PUM2: variants seen among roughly 807,000 people sequenced by gnomAD.
PUM2 encodes the protein pumilio RNA binding family member 2.
PUM2 carries 57 observed loss-of-function variants against 124.5 expected under a neutral mutation model. The ratio of observed to expected loss-of-function variants is 0.46; its 90% CI spans 0.37 to 0.57. PUM2 has a LOEUF of 0.57. Among genes scored for constraint, PUM2 ranks in the 20% least tolerant of loss-of-function variants. PUM2 has a pLI of 0.00. For synonymous variants in PUM2, 460 were observed against 446.1 expected, an observed-to-expected ratio of 1.03 and a Z score of -0.39; for missense variants, 1,065 against 1,290.6, an observed-to-expected ratio of 0.83 and a Z score of 2.68.
chr2:20,311,566 C>G lies in PUM2; in HGVS notation c.446G>C (p.Gly149Ala). Reference protein sequence around the residue: ...EEDQNRDLKQGDDDDSKINGR... With the variant: ...EEDQNRDLKQADDDDSKINGR... ...ATTTATTTTAGAATCATCATCATCT[C>G]CTTGTTTAAGATCTCTGTTTTGGTC... Residue 149 changes from glycine to alanine, a missense_variant, in exon 5 of 21, where the codon GGA becomes GCA. Around this residue, in one of 3 missense-constraint regions of PUM2, gnomAD observed 968 missense variants for 1,159.8 expected, o/e 0.83. Transcript: ENST00000361078. 1.2e-6 allele frequency: 2 copies of G among 1,613,376 alleles called. No individual in the cohort carries two copies. Among genetic ancestry groups the G allele is most frequent in the Non-Finnish European group, 1.7e-6 (2 of 1,179,582 alleles).
chr2:20,290,930 T>C (rs1005244470), intron 9 of PUM2, 140 bp from the exon 10 acceptor site: 1 of 667,142 alleles, frequency 1.5e-6, no homozygotes, highest in Non-Finnish European at 2.3e-6. Flanking sequence ...AGATTTAGCA[T>C]GAAAAATCAC....
chr2:20,341,596 A>G (rs1347937663), intron 1 of PUM2, among the ~76,000 whole-genome samples: 1 of 152,248 alleles, frequency 6.6e-6, no homozygotes, highest in Non-Finnish European at 1.5e-5. Flanking sequence ...TTCATATTGT[A>G]AGACTTACTG....
At chr2:20,351,774 C>A (rs1689363819), upstream of PUM2, among the ~76,000 whole-genome samples, 1 of 152,172 alleles carries the variant, frequency 6.6e-6, no homozygotes, top group South Asian at 2.1e-4. Context: ...TATTCAGGGC[C>A]TCCCGTATAG....
At chr2:20,258,732 A>G (rs948623741) in intron 15 of PUM2, among the ~76,000 whole-genome samples, 2 of 147,076 alleles carry the variant, frequency 1.4e-5, no homozygotes, top group Non-Finnish European at 3.0e-5. Flanking sequence ...CAGTGGCACA[A>G]TCTCGGCTCA....
At chr2:20,318,192 G>C (rs1016152364) in intron 3 of PUM2, among the ~76,000 whole-genome samples, 1 of 151,986 alleles carries the variant, frequency 6.6e-6, no homozygotes, top group African/African-American at 2.4e-5. Context: ...AACCTCACCA[G>C]CATCTTATTT....
chr2:20,316,257 A>G (rs571571328), intron 3 of PUM2, among the ~76,000 whole-genome samples: 2 of 152,278 alleles, frequency 1.3e-5, no homozygotes, highest in South Asian at 2.1e-4. Context: ...AATCACCAAC[A>G]TTTTCCAGAC....
chr2:20,308,942 G>A (rs964700440), intron 5 of PUM2, among the ~76,000 whole-genome samples: 1 of 152,080 alleles, frequency 6.6e-6, no homozygotes, highest in Admixed American at 6.6e-5. Context: ...TTAACAGCAG[G>A]TTATTAAGTG....
At chr2:20,312,513 GCA>G (rs1679846448) in intron 3 of PUM2, 90 bp from the exon 4 acceptor site, 3 of 1,194,058 alleles carry the variant, frequency 2.5e-6, no homozygotes, top group Non-Finnish European at 2.3e-6. Context: ...AGAAAAATCA[GCA>G]CATTGTTTTA....
Position 20,318,529 on chromosome 2 carries a change from T to C in PUM2, c.160+8A>G, listed in dbSNP as rs1478213575. ...TTCACAATTCTCACACATATACCAG[T>C]AACTTACGAGAAGCTCCCCATGCAG... On this transcript the variant is annotated splice_region_variant and intron_variant, in intron 3 of 20. Transcript: ENST00000361078. 10 of 1,590,214 alleles carry C rather than the reference T, an allele frequency of 6.3e-6. No homozygotes were observed. The South Asian group carries it at 7.8e-5, about 12-fold the overall frequency.
Position 20,309,768 on chromosome 2 carries a change from G to A in PUM2, c.519-1184C>T, listed in dbSNP as rs1195781853. ...AGCTAACTCTTCCCAACTTCAGGTG[G>A]TCTGAATTGGAATAAATTTGCTAAC... On this transcript the variant is annotated intron_variant, in intron 5 of 20. Transcript: ENST00000361078. Among the ~76,000 whole-genome samples, 5 of 152,102 alleles carry A rather than the reference G, an allele frequency of 3.3e-5. No individual in the cohort carries two copies. In the South Asian group the frequency reaches 8.3e-4, roughly 25 times the overall value.
At chr2:20,327,569 T>C (rs1453967026) in intron 1 of PUM2, among the ~76,000 whole-genome samples, 191 bp from the exon 2 acceptor site, 1 of 152,168 alleles carries the variant, frequency 6.6e-6, no homozygotes, top group Non-Finnish European at 1.5e-5. Flanking sequence ...AGAAAAACAT[T>C]AGGTCAAGGG....
intron 2 of PUM2, among the ~76,000 whole-genome samples, chr2:20,321,871 TCTATC>T (rs932370536): frequency 5.9e-5 from 9 of 152,144 alleles, no homozygotes; most frequent in African/African-American, 2.2e-4. Context: ...AATCTGCTCT[TCTATC>T]CTAACTCCAG....
chr2:20,259,052 C>A (rs1665547132), intron 15 of PUM2, among the ~76,000 whole-genome samples: 1 of 152,144 alleles, frequency 6.6e-6, no homozygotes, highest in African/African-American at 2.4e-5. Context: ...AAACTACATT[C>A]TGATATGATT....
At chr2:20,298,471 T>G (rs996489881) in intron 7 of PUM2, among the ~76,000 whole-genome samples, 1 of 152,206 alleles carries the variant, frequency 6.6e-6, no homozygotes, top group Non-Finnish European at 1.5e-5. Flanking sequence ...GCAGTACTCA[T>G]TAAAGAGAGA....
Position 20,327,320 on chromosome 2 carries a change from C to A in PUM2, c.41G>T (p.Gly14Val). ...DFQALALESR[G>V]MGELLPTKKF... is the part of the protein sequence containing the mutation. ...TTTGCAAACATTTACCTCTCCCATT[C>A]CCCGAGATTCTAATGCAAGAGCTTG... The change falls in exon 2 of 21, where the codon GGA becomes GTA. Residue 14 changes from glycine (G) to valine (V), a missense_variant. Around this residue, in one of 3 missense-constraint regions of PUM2, gnomAD observed 90 missense variants for 103.6 expected, o/e 0.87. Transcript: ENST00000361078. The A allele has an allele frequency of 1.3e-6, 2 of 1,563,834 alleles. No individual in the cohort carries two copies. Among genetic ancestry groups the A allele is most frequent in the Non-Finnish European group, 1.8e-6 (2 of 1,135,884 alleles).
At chr2:20,260,784 C>A (rs1223113748) in intron 14 of PUM2, among the ~76,000 whole-genome samples, 3 of 151,952 alleles carry the variant, frequency 2.0e-5, no homozygotes, top group African/African-American at 7.3e-5. Flanking sequence ...CAATGTATTA[C>A]TAAACATCTA....
chr2:20,326,392 A>C, intron 2 of PUM2: 1 of 1,304,278 alleles, frequency 7.7e-7, no homozygotes, highest in Non-Finnish European at 1.0e-6. Flanking sequence ...GCATCTGAAG[A>C]GCACAGCATT....
intron 12 of PUM2, among the ~76,000 whole-genome samples, chr2:20,281,163 T>C (rs1424379264): frequency 6.6e-6 from 1 of 152,182 alleles, no homozygotes; most frequent in Admixed American, 6.5e-5. Context: ...TACGATGGAC[T>C]CTTTACTGGC....
intron 1 of PUM2, among the ~76,000 whole-genome samples, chr2:20,348,628 AC>A (rs767220796): frequency 6.6e-6 from 1 of 152,204 alleles, no homozygotes; most frequent in Non-Finnish European, 1.5e-5. Context: ...ATCTTTCCAC[AC>A]CAGAAAGGTT....
Sources: gnomAD v4.1 joint callset for allele counts (sites outside exome capture counted in the v4.1 genomes callset) on GRCh38, gnomAD v4.1.1 for gene constraint, gnomAD v4.1.1 regional missense constraint, MANE v1.5 for transcripts, NCBI Gene and HGNC (gene_info 2026-07-23, HGNC 2026-07-21) for gene names.